CDH13: variants seen among roughly 807,000 people sequenced by gnomAD.
CDH13 encodes cadherin 13.
Under a neutral mutation model 63.8 loss-of-function variants are expected in CDH13, and 24 were observed. That is an observed-to-expected ratio of 0.38 (90% confidence interval 0.27 to 0.53). The LOEUF (loss-of-function observed/expected upper bound fraction) is 0.53. CDH13 is among the 20% of genes least tolerant of loss of function. CDH13 has a pLI of 0.85. For missense variants in CDH13, 1,049 were observed against 903.1 expected, an observed-to-expected ratio of 1.16 and a Z score of -2.07; for synonymous variants, 503 against 355.3, an observed-to-expected ratio of 1.42 and a Z score of -4.67.
chr16:83,514,977 G>A (rs1263576131), intron 7 of CDH13, among the ~76,000 whole-genome samples: 3 of 152,116 alleles, frequency 2.0e-5, no homozygotes, highest in African/African-American at 7.2e-5. Flanking sequence ...TCTTGATGGC[G>A]AAATGGAGAC....
At chr16:82,860,903 T>G (rs1400933385) in intron 2 of CDH13, among the ~76,000 whole-genome samples, 1 of 152,180 alleles carries the variant, frequency 6.6e-6, no homozygotes, top group South Asian at 2.1e-4. Flanking sequence ...AACCAATATT[T>G]TAAGCCAGTC....
intron 1 of CDH13, among the ~76,000 whole-genome samples, chr16:82,798,117 T>C (rs2036678040): frequency 1.3e-5 from 2 of 152,258 alleles, no homozygotes; most frequent in South Asian, 4.2e-4. Context: ...CTGAATTGGA[T>C]ATGAAAGAAA....
intron 5 of CDH13, among the ~76,000 whole-genome samples, chr16:83,310,230 T>A (rs2089969982): frequency 6.6e-6 from 1 of 152,210 alleles, no homozygotes; most frequent in Non-Finnish European, 1.5e-5. Flanking sequence ...TCTGTAATAT[T>A]CCCTGTCAAA....
intron 4 of CDH13, among the ~76,000 whole-genome samples, chr16:83,201,262 G>T (rs1275379978): frequency 6.6e-6 from 1 of 152,090 alleles, no homozygotes; most frequent in East Asian, 1.9e-4. Flanking sequence ...AGAACAAAAT[G>T]AAAATTCCTG....
At chr16:83,383,203 G>A (rs546892326) in intron 6 of CDH13, 2 of 152,238 alleles carry the variant, frequency 1.3e-5, no homozygotes, top group East Asian at 1.9e-4. Flanking sequence ...CATACGTTCT[G>A]GGGAGAAAAA....
At chr16:83,414,207 A>G (rs2092167859) in intron 6 of CDH13, among the ~76,000 whole-genome samples, 1 of 152,184 alleles carries the variant, frequency 6.6e-6, no homozygotes, top group South Asian at 2.1e-4. Flanking sequence ...ATGAATCAAC[A>G]TGCTCAACCA....
intron 1 of CDH13, among the ~76,000 whole-genome samples, chr16:82,686,952 G>T (rs139441083): frequency 3.9e-4 from 59 of 152,324 alleles, no homozygotes; most frequent in African/African-American, 1.3e-3. Flanking sequence ...TGCTAGAAAT[G>T]AGAGCTCAAC....
Position 83,602,670 on chromosome 16 carries a change from A to G in CDH13, c.1101+76A>G, listed in dbSNP as rs1598355514. On this transcript the variant is annotated intron_variant, in intron 8 of 13. Coordinates refer to ENST00000567109, the MANE Select transcript of CDH13 (RefSeq NM_001257.5). The stretch of plus-strand genomic sequence containing the variant: ...ACTGATTGATGTTAATTCACGTACC[A>G]CAGCACCTGCTGGCCCCCCTTTCAA... The G allele has an allele frequency of 4.2e-6, 6 of 1,430,578 alleles. No homozygotes were observed. In the East Asian group the frequency reaches 1.1e-4, roughly 27 times the overall value. The allele number at this position is 1,430,578 out of a possible 1,614,324, so 88.6% of individuals were successfully genotyped here. A position where few individuals can be genotyped will look rare whatever the true frequency, so the allele number is the denominator to read the frequency against.
At chr16:82,889,673 G>A (rs1161217539) in intron 2 of CDH13, among the ~76,000 whole-genome samples, 19 of 152,150 alleles carry the variant, frequency 1.2e-4, no homozygotes, top group Admixed American at 9.8e-4. Context: ...TCTATGATGC[G>A]TTCTGACAGG....
intron 3 of CDH13, among the ~76,000 whole-genome samples, chr16:83,040,003 T>C (rs1470592949): frequency 1.3e-5 from 2 of 151,608 alleles, no homozygotes; most frequent in East Asian, 3.9e-4. Flanking sequence ...TCTCTACTCA[T>C]AGTACTAAAC....
intron 2 of CDH13, among the ~76,000 whole-genome samples, chr16:83,013,968 G>A (rs529513359): frequency 1.9e-4 from 29 of 152,208 alleles, no homozygotes; most frequent in East Asian, 1.2e-3. Context: ...GTATAAGCAC[G>A]TCTTCATTCA....
intron 8 of CDH13, among the ~76,000 whole-genome samples, chr16:83,626,855 G>T (rs1910351616): frequency 6.6e-6 from 1 of 152,104 alleles, no homozygotes; most frequent in African/African-American, 2.4e-5. Context: ...GGACGCCTCG[G>T]AATGGTCCTC....
chr16:83,336,151 A>G (rs1567600620), intron 5 of CDH13, among the ~76,000 whole-genome samples: 1 of 151,824 alleles, frequency 6.6e-6, no homozygotes, highest in African/African-American at 2.4e-5. Context: ...AAATACAAAA[A>G]TTTGCCAGGG....
In CDH13 at chr16:83,223,189, G is replaced by A. The variant is rs139068849; in HGVS notation, c.636+5692G>A. ...TATTGGCTGTCATTTCTAGAGGATG[G>A]ACAATCCAAGGTCAAGACACCAGTA... is the stretch of plus-strand genomic sequence containing the variant. On this transcript the variant is annotated intron_variant, in intron 5 of 13. Transcript: ENST00000567109. 5.5e-3 allele frequency among the ~76,000 whole-genome samples: 832 copies of A among 152,310 alleles called. 1 individual carries two copies. The highest frequency in any genetic ancestry group is 8.3e-3 in the Non-Finnish European group (565 of 68,022).
intron 5 of CDH13, among the ~76,000 whole-genome samples, chr16:83,233,200 C>A (rs981438812): frequency 4.3e-4 from 65 of 152,284 alleles, no homozygotes; most frequent in African/African-American, 1.5e-3. Flanking sequence ...TCTTTCCCAG[C>A]AGTTTTCTCC....
rs1287399210 is a variant in CDH13 at position 82,684,588 on chromosome 16, T to C, written c.45+57451T>C. On this transcript the variant is annotated intron_variant, in intron 1 of 13. Transcript: ENST00000567109. Reference sequence around the variant, plus strand: ...GTCAGGATCTGGGGAGCTACCTTAATGTATGAGGACTGTTTCCAAAATATT... The same window carrying C: ...GTCAGGATCTGGGGAGCTACCTTAACGTATGAGGACTGTTTCCAAAATATT... Among the ~76,000 whole-genome samples, 17 of 152,054 alleles carry C rather than the reference T, an allele frequency of 1.1e-4. 1 individual carries two copies. Among genetic ancestry groups the C allele is most frequent in the Admixed American group, 1.1e-3 (17 of 15,268 alleles).
At chr16:83,098,508 C>T (rs1267909619) in intron 3 of CDH13, among the ~76,000 whole-genome samples, 2 of 152,158 alleles carry the variant, frequency 1.3e-5, no homozygotes, top group Non-Finnish European at 2.9e-5. Flanking sequence ...GGATGAAGGA[C>T]TATTGAACAT....
intron 10 of CDH13, among the ~76,000 whole-genome samples, chr16:83,743,853 A>C (rs1490829351): frequency 7.1e-6 from 1 of 141,016 alleles, no homozygotes; most frequent in African/African-American, 2.6e-5. Context: ...GCGTCCAGGC[A>C]CTCTACTCGG....
At chr16:83,630,585 A>G (rs1339818648) in intron 8 of CDH13, among the ~76,000 whole-genome samples, 1 of 152,190 alleles carries the variant, frequency 6.6e-6, no homozygotes, top group Non-Finnish European at 1.5e-5. Context: ...CTTATGTCTT[A>G]GTCTAGCTCA....
Sources: gnomAD v4.1 joint callset for allele counts (sites outside exome capture counted in the v4.1 genomes callset) on GRCh38, gnomAD v4.1.1 for gene constraint, MANE v1.5 for transcripts, NCBI Gene and HGNC (gene_info 2026-07-23, HGNC 2026-07-21) for gene names.